The following PTPRG variants were observed in gnomAD, a reference collection of about 807,000 sequenced individuals.
PTPRG encodes receptor-type tyrosine-protein phosphatase gamma.
Under a neutral mutation model 165.3 loss-of-function variants are expected in PTPRG, and 102 were observed. That is an observed-to-expected ratio of 0.62 (90% CI 0.53 to 0.73). The LOEUF is 0.73. Ranked by LOEUF, PTPRG falls within the 30% of genes least tolerant of loss-of-function variation. PTPRG has a pLI of 0.00. For synonymous variants in PTPRG, 675 were observed against 669.5 expected (o/e 1.01, Z -0.13); for missense variants, 1,866 against 1,861.4 (o/e 1.00, Z -0.05).
chr3:62,123,683 C>T (rs913627819), intron 5 of PTPRG, among the ~76,000 whole-genome samples: 13 of 152,248 alleles, frequency 8.5e-5, no homozygotes, highest in Non-Finnish European at 1.3e-4. Flanking sequence ...CAGAAATAGA[C>T]ATCTCTGCCA....
At chr3:62,069,637 GTCTCTCTC>G (rs537162206) in intron 4 of PTPRG, among the ~76,000 whole-genome samples, 52,181 of 140,920 alleles carry the variant, frequency 0.37, 10,440 homozygotes, top group Middle Eastern at 0.46. Context: ...TAGGATCGAT[GTCTCTCTC>G]TCTCTCTCTC....
intron 8 of PTPRG, among the ~76,000 whole-genome samples, chr3:62,191,186 CAT>C (rs1296519151): frequency 4.0e-5 from 6 of 149,874 alleles, no homozygotes; most frequent in East Asian, 2.0e-4. Flanking sequence ...GCCCCGTGCA[CAT>C]ATGTGTATGT....
chr3:61,707,874 G>T (rs2031342783), intron 1 of PTPRG, among the ~76,000 whole-genome samples: 1 of 152,006 alleles, frequency 6.6e-6, no homozygotes, highest in African/African-American at 2.4e-5. Flanking sequence ...TTGCAGCCTT[G>T]ACCTCCCTGT....
At chr3:62,020,836 G>GTT (rs1323083415) in intron 4 of PTPRG, among the ~76,000 whole-genome samples, 1 of 101,478 alleles carries the variant, frequency 9.9e-6, no homozygotes, top group East Asian at 2.4e-4. Flanking sequence ...CCATGCACAG[G>GTT]TTTTTTTTGT....
chr3:62,129,209 C>G (rs1309107700), intron 5 of PTPRG, among the ~76,000 whole-genome samples: 3 of 152,100 alleles, frequency 2.0e-5, no homozygotes, highest in Non-Finnish European at 4.4e-5. Context: ...AAGCTGTAAT[C>G]AGAAGTGACC....
intron 2 of PTPRG, among the ~76,000 whole-genome samples, chr3:61,768,920 G>T (rs2034120750): frequency 6.6e-6 from 1 of 152,128 alleles, no homozygotes; most frequent in Non-Finnish European, 1.5e-5. Flanking sequence ...GGAAATTTCA[G>T]TCTGAAAGAT....
chr3:62,244,664 C>A (rs1444287545), intron 15 of PTPRG, among the ~76,000 whole-genome samples: 3 of 152,168 alleles, frequency 2.0e-5, no homozygotes, highest in Admixed American at 1.3e-4. Context: ...CCTGAAGCTC[C>A]CCCATCCTGC....
intron 4 of PTPRG, among the ~76,000 whole-genome samples, chr3:62,057,378 C>G (rs1267147673): frequency 1.3e-5 from 2 of 152,192 alleles, no homozygotes; most frequent in East Asian, 1.9e-4. Context: ...AGAAGTACCT[C>G]TTTTTTTATT....
intron 13 of PTPRG, among the ~76,000 whole-genome samples, chr3:62,225,698 G>A (rs796644314): frequency 8.8e-5 from 13 of 147,144 alleles, no homozygotes; most frequent in African/African-American, 2.5e-4. Flanking sequence ...TTTTGTCACC[G>A]AGGCTGTAGT....
intron 6 of PTPRG, among the ~76,000 whole-genome samples, chr3:62,144,744 C>A (rs181101539): frequency 2.6e-4 from 39 of 152,276 alleles, no homozygotes; most frequent in Admixed American, 2.1e-3. Flanking sequence ...AGAACCACCA[C>A]CATAGATGTG....
intron 1 of PTPRG, among the ~76,000 whole-genome samples, chr3:61,620,378 T>C (rs773723522): frequency 2.6e-5 from 4 of 152,208 alleles, no homozygotes; most frequent in African/African-American, 7.2e-5. Flanking sequence ...TATGGGGCTA[T>C]TGATGCGGAT....
chr3:62,080,061 CATTTTTT>C (rs1701513932), intron 5 of PTPRG, among the ~76,000 whole-genome samples: 1 of 111,568 alleles, frequency 9.0e-6, no homozygotes, highest in South Asian at 2.6e-4. Context: ...CCCTTCGGTT[CATTTTTT>C]TTTTTTTTTT....
chr3:61,660,861 C>T (rs957085830), intron 1 of PTPRG, among the ~76,000 whole-genome samples: 5 of 152,008 alleles, frequency 3.3e-5, no homozygotes, highest in African/African-American at 4.8e-5. Flanking sequence ...ATTAGCTGGG[C>T]GTGGTGGTGC....
intron 2 of PTPRG, among the ~76,000 whole-genome samples, chr3:61,963,146 A>C (rs538538308): frequency 6.6e-6 from 1 of 152,304 alleles, no homozygotes; most frequent in East Asian, 1.9e-4. Flanking sequence ...GTAGCATACT[A>C]TACATGCTGT....
chr3:62,023,972 G>C (rs896781662), intron 4 of PTPRG, among the ~76,000 whole-genome samples: 2 of 152,062 alleles, frequency 1.3e-5, no homozygotes, highest in Non-Finnish European at 2.9e-5. Flanking sequence ...TATCCTAATT[G>C]TTTTCTTAGA....
At chr3:61,687,245 T>C (rs1347772003) in intron 1 of PTPRG, among the ~76,000 whole-genome samples, 1 of 152,252 alleles carries the variant, frequency 6.6e-6, no homozygotes, top group African/African-American at 2.4e-5. Context: ...ATTTGGAATT[T>C]TCTTTAGGGG....
At chr3:61,899,792 T>A (rs1012898809) in intron 2 of PTPRG, among the ~76,000 whole-genome samples, 2 of 152,200 alleles carry the variant, frequency 1.3e-5, no homozygotes, top group Admixed American at 1.3e-4. Context: ...AATGTGTCAG[T>A]GGGATTCATC....
chr3:62,218,238 C>T (rs1300432038), intron 12 of PTPRG, among the ~76,000 whole-genome samples: 1 of 152,122 alleles, frequency 6.6e-6, no homozygotes, highest in Non-Finnish European at 1.5e-5. Context: ...TTGACCAGAG[C>T]AGGGAGCCCC....
chr3:62,280,464 G>A (rs1213716946), intron 26 of PTPRG, among the ~76,000 whole-genome samples: 1 of 151,968 alleles, frequency 6.6e-6, no homozygotes, highest in East Asian at 1.9e-4. Context: ...ATGGCCAAGA[G>A]GTATATGAAA....
Sources: gnomAD v4.1 joint callset for allele counts (sites outside exome capture counted in the v4.1 genomes callset) on GRCh38, gnomAD v4.1.1 for gene constraint, MANE v1.5 for transcripts, NCBI Gene and HGNC (gene_info 2026-07-23, HGNC 2026-07-21) for gene names.